The following DNAH7 variants were observed in gnomAD, a reference collection of about 807,000 sequenced individuals.
The protein encoded by DNAH7 is axonemal beta dynein heavy chain 7.
DNAH7 carries 397 observed loss-of-function variants against 444.6 expected under a neutral mutation model. The observed-to-expected ratio is 0.89, with a 90% confidence interval of 0.82 to 0.97. The LOEUF (loss-of-function observed/expected upper bound fraction) is 0.97, where lower values mean the gene tolerates loss of function less well. DNAH7 is among the 50% of genes least tolerant of loss of function. The probability of loss-of-function intolerance (pLI) is 0.00; values close to 1 mark genes in which losing one functional copy is unlikely to be tolerated. For missense variants in DNAH7, 4,902 were observed against 4,800.8 expected, an observed-to-expected ratio of 1.02 and a Z score of -0.62; for synonymous variants, 1,636 against 1,624.4, an observed-to-expected ratio of 1.01 and a Z score of -0.17.
intron 9 of DNAH7, among the ~76,000 whole-genome samples, chr2:196,018,901 C>A (rs942256509): frequency 2.0e-5 from 3 of 152,190 alleles, no homozygotes; most frequent in East Asian, 3.9e-4. Flanking sequence ...TTAATCATTG[C>A]ATGCCTCTAC....
chr2:195,914,151 T>C (rs1687527652), intron 24 of DNAH7, among the ~76,000 whole-genome samples: 1 of 152,244 alleles, frequency 6.6e-6, no homozygotes, highest in South Asian at 2.1e-4. Flanking sequence ...CAGTACACTG[T>C]ATTGTAATTG....
chr2:195,913,591 T>A (rs1032044568), intron 24 of DNAH7, among the ~76,000 whole-genome samples: 1 of 152,248 alleles, frequency 6.6e-6, no homozygotes, highest in Non-Finnish European at 1.5e-5. Context: ...TGTGTTATAC[T>A]TGGTAGTCAG....
chr2:196,030,601 T>C lies in DNAH7; in HGVS notation c.399-2554A>G, dbSNP rs551297855. ...GTAAAGTCAAAAGCAAGCTAGTTAT[T>C]TCCTAGATATAATGGGGGTACAGGT... On this transcript the variant is annotated intron_variant, in intron 5 of 64. Coordinates refer to ENST00000312428, the MANE Select transcript of DNAH7 (RefSeq NM_018897.3). Among the ~76,000 whole-genome samples the C allele has an allele frequency of 3.9e-5, 6 of 152,294 alleles. No individual in the cohort carries two copies. In the East Asian group the frequency reaches 1.2e-3, roughly 29 times the overall value.
intron 1 of DNAH7, among the ~76,000 whole-genome samples, chr2:196,060,749 T>G (rs1454440860): frequency 1.3e-5 from 2 of 152,206 alleles, no homozygotes; most frequent in Non-Finnish European, 2.9e-5. Context: ...CATCAAGAGC[T>G]CTGATTACCT....
At chr2:195,993,135 G>A (rs1161822739) in intron 12 of DNAH7, among the ~76,000 whole-genome samples, 1 of 152,194 alleles carries the variant, frequency 6.6e-6, no homozygotes, top group Non-Finnish European at 1.5e-5. Flanking sequence ...ATCCATGCCT[G>A]CTGCTCCTTG....
chr2:195,880,320 CTTTCTT>C (rs1485949033), intron 36 of DNAH7, among the ~76,000 whole-genome samples: 2 of 148,292 alleles, frequency 1.3e-5, no homozygotes, highest in African/African-American at 5.0e-5. Flanking sequence ...AATCTTCTTT[CTTTCTT>C]TTTCTTTTTT....
intron 48 of DNAH7, among the ~76,000 whole-genome samples, chr2:195,825,313 C>T (rs557410527): frequency 6.6e-6 from 1 of 151,656 alleles, no homozygotes; most frequent in East Asian, 1.9e-4. Flanking sequence ...TATAGTATAA[C>T]TGTTGAATAA....
At chr2:195,938,325 TTA>T (rs1250537016) in intron 19 of DNAH7, among the ~76,000 whole-genome samples, 2 of 150,014 alleles carry the variant, frequency 1.3e-5, no homozygotes, top group East Asian at 4.0e-4. Context: ...GCTTCTTGTT[TTA>T]TGTTTCAAAT....
rs77817049 is a variant in DNAH7 at position 195,867,225 on chromosome 2, C to T, written c.6634-2204G>A. On this transcript the variant is annotated intron_variant, in intron 40 of 64. Coordinates refer to ENST00000312428, the MANE Select transcript of DNAH7 (RefSeq NM_018897.3). ...ATAAAATTTCCAGCACCTTAGTAAGCTCCCTCATGCTCACTACTGTTGGTC... is the reference window on the plus strand; with the variant it reads ...ATAAAATTTCCAGCACCTTAGTAAGTTCCCTCATGCTCACTACTGTTGGTC... 4.4e-3 allele frequency among the ~76,000 whole-genome samples: 675 copies of T among 152,232 alleles called. 27 individuals carry two copies. The East Asian group carries it at 0.096, about 22-fold the overall frequency.
At position 195,858,339 on chromosome 2, in the gene DNAH7, C is replaced by T. The variant is rs1283237204; in HGVS notation, c.8067+135G>A. On this transcript the variant is annotated intron_variant, in intron 43 of 64. Transcript: ENST00000312428. The stretch of plus-strand genomic sequence containing the variant: ...CAAGTCAATTAGGGAATTCTTTTGC[C>T]AATTTCAAAATGATTTCAGCTTCAT... The T allele has an allele frequency of 5.1e-6, 4 of 783,572 alleles. No individual in the cohort carries two copies. The East Asian group carries it at 8.7e-5, about 17-fold the overall frequency. 48.5% of individuals were successfully genotyped at this position (783,572 alleles called of 1,614,324 possible). A position where few individuals can be genotyped will look rare whatever the true frequency, so the allele number is the denominator to read the frequency against.
chr2:195,831,096 T>C (rs910612426), intron 48 of DNAH7, among the ~76,000 whole-genome samples: 3 of 152,176 alleles, frequency 2.0e-5, no homozygotes, highest in Non-Finnish European at 4.4e-5. Flanking sequence ...AATTCTGCTG[T>C]TGATACAAAG....
At chr2:195,837,347 G>A (rs752450787) in intron 47 of DNAH7, among the ~76,000 whole-genome samples, 4 of 152,142 alleles carry the variant, frequency 2.6e-5, no homozygotes, top group Non-Finnish European at 5.9e-5. Context: ...ACCAAGATGG[G>A]CTGGGCTTTT....
At chr2:196,042,289 C>A (rs1034037440) in intron 5 of DNAH7, among the ~76,000 whole-genome samples, 3 of 151,896 alleles carry the variant, frequency 2.0e-5, no homozygotes, top group African/African-American at 4.8e-5. Flanking sequence ...GAGTTATCTG[C>A]ACAAAGAAAT....
rs1400691389 is a variant in DNAH7, at chr2:195,895,288, AT to A, written c.4648-65del. The A allele has an allele frequency of 8.6e-5, 97 of 1,132,308 alleles. 1 individual carries two copies. The highest frequency in any genetic ancestry group is 8.8e-5 in the Non-Finnish European group (73 of 829,072). The allele number at this position is 1,132,308 out of a possible 1,614,324, so 70.1% of individuals were successfully genotyped here. ...TTTATATTAAATACAAATATTTTGT[AT>A]TGATGGAAATAGGGCCATTAGATAA... On this transcript the variant is annotated intron_variant, in intron 29 of 64. Transcript: ENST00000312428.
At position 195,806,747 on chromosome 2, in the gene DNAH7, G is replaced by A; in HGVS notation, c.10169C>T (p.Pro3390Leu). ...TTCAAAGCCCACATTTACCTTGTCT[G>A]GCCTCAAGCAACGAATAATAAGCAT... ...QRMLIIRCLR[P>L]DKVIPMLQEF... The change falls in exon 54 of 65, where the codon CCA becomes CTA. Residue 3390 changes from proline (P) to leucine (L), a missense_variant. Pro to Leu is a moderately conservative substitution (Grantham distance 98, BLOSUM62 -3). Transcript: ENST00000312428. The A allele has an allele frequency of 6.2e-7, 1 of 1,613,072 alleles. No homozygotes were observed. The highest frequency in any genetic ancestry group is 8.5e-7 in the Non-Finnish European group (1 of 1,179,390).
chr2:196,008,294 A>G (rs1265014388), intron 10 of DNAH7, among the ~76,000 whole-genome samples: 1 of 152,026 alleles, frequency 6.6e-6, no homozygotes, highest in Admixed American at 6.6e-5. Flanking sequence ...CAAGTGCTGG[A>G]AAGTGTGTGG....
At chr2:195,813,090 C>CAGAT (rs916475665) in intron 51 of DNAH7, among the ~76,000 whole-genome samples, 3 of 152,112 alleles carry the variant, frequency 2.0e-5, no homozygotes, top group Non-Finnish European at 4.4e-5. Flanking sequence ...CCACCAAAGA[C>CAGAT]AGATACATAT....
chr2:195,987,085 G>A lies in DNAH7; in HGVS notation c.1735C>T (p.His579Tyr), dbSNP rs1391972908. 4 of 1,597,980 alleles carry A rather than the reference G, an allele frequency of 2.5e-6. No individual in the cohort carries two copies. The highest frequency in any genetic ancestry group is 1.3e-5 in the African/African-American group (1 of 74,160). The change falls in exon 14 of 65, where the codon CAT becomes TAT. Residue 579 changes from histidine (H) to tyrosine (Y), a missense_variant. Coordinates refer to ENST00000312428, the MANE Select transcript of DNAH7 (RefSeq NM_018897.3). ...AAATACCTTGTATTTACTTCCTGAT[G>A]ATCTCTGAACATTTTAGCTAGAAGT... Reference protein sequence around the residue: ...GKLLAKMFRDHQEVNTRLCDE... With the variant: ...GKLLAKMFRDYQEVNTRLCDE...
intron 10 of DNAH7, among the ~76,000 whole-genome samples, chr2:196,004,790 A>T (rs1034756873): frequency 6.6e-6 from 1 of 151,322 alleles, no homozygotes. Context: ...TCTCACACAC[A>T]CACACACACA....
Sources: allele counts gnomAD v4.1 joint callset (sites outside exome capture counted in the v4.1 genomes callset), GRCh38; gene constraint gnomAD v4.1.1; transcripts MANE v1.5; gene names NCBI Gene and HGNC (gene_info 2026-07-23, HGNC 2026-07-21).